The following DNAJC6 variants were observed in gnomAD, a reference collection of about 807,000 sequenced individuals.
The protein encoded by DNAJC6 is DnaJ heat shock protein family (Hsp40) member C6.
In DNAJC6, 34 loss-of-function variants were observed where a neutral mutation model predicts 110.0. The observed-to-expected ratio is 0.31, with a 90% CI of 0.24 to 0.41. The LOEUF (loss-of-function observed/expected upper bound fraction) is 0.41, where lower values mean the gene tolerates loss of function less well. DNAJC6 is among the 10% of genes least tolerant of loss of function. The pLI is 1.00. For synonymous variants in DNAJC6, 406 were observed against 437.2 expected, an observed-to-expected ratio of 0.93 and a Z score of 0.89; for missense variants, 1,031 against 1,207.8, an observed-to-expected ratio of 0.85 and a Z score of 2.17.
chr1:65,348,414 G>C (rs1645457772), intron 1 of DNAJC6, among the ~76,000 whole-genome samples: 3 of 152,170 alleles, frequency 2.0e-5, no homozygotes, highest in Non-Finnish European at 1.5e-5. Context: ...GTGATTGTGG[G>C]TTTGTCCCTT....
In DNAJC6 at chr1:65,363,107, T is replaced by G. The variant is rs118053959; in HGVS notation, c.194-1528T>G. 5.8e-4 allele frequency among the ~76,000 whole-genome samples: 89 copies of G among 152,228 alleles called. 1 individual carries two copies. In the East Asian group the frequency reaches 0.016, roughly 28 times the overall value. ...AGAGCAAGGACGGAAGTGCCACATT[T>G]TAAAACCTTCAGATCTCTCACTGTC... is the stretch of plus-strand genomic sequence containing the variant. On this transcript the variant is annotated intron_variant, in intron 1 of 18. Transcript: ENST00000371069.
intron 1 of DNAJC6, among the ~76,000 whole-genome samples, chr1:65,316,231 A>G (rs931364548): frequency 3.9e-5 from 6 of 152,112 alleles, no homozygotes; most frequent in African/African-American, 1.4e-4. Context: ...CCACTGGTAG[A>G]TCCCCTCCCC....
intron 16 of DNAJC6, among the ~76,000 whole-genome samples, chr1:65,406,371 G>A (rs1570384807): frequency 6.6e-6 from 1 of 152,176 alleles, no homozygotes; most frequent in East Asian, 1.9e-4. Flanking sequence ...GGGCTCACTT[G>A]GCTGTTTATC....
At chr1:65,325,693 GAT>G (rs2101432497) in intron 1 of DNAJC6, among the ~76,000 whole-genome samples, 1 of 152,336 alleles carries the variant, frequency 6.6e-6, no homozygotes, top group Admixed American at 6.5e-5. Context: ...ATAAAATACA[GAT>G]ATGCATAGCT....
chr1:65,329,662 C>T (rs934746554), intron 1 of DNAJC6, among the ~76,000 whole-genome samples: 3 of 151,974 alleles, frequency 2.0e-5, no homozygotes, highest in Non-Finnish European at 2.9e-5. Context: ...CAAAGTTCAC[C>T]TTTTTTGCTC....
chr1:65,307,018 C>CTCTATATATATATATA (rs1465563773), upstream of DNAJC6, among the ~76,000 whole-genome samples: 1 of 70,704 alleles, frequency 1.4e-5, no homozygotes, highest in African/African-American at 5.3e-5. Flanking sequence ...CTCTCTCTCT[C>CTCTATATATATATATA]TATATATATA....
rs1644954780 is a variant in DNAJC6 at position 65,299,197 on chromosome 1, C to T, written c.-131+34265C>T. Among the ~76,000 whole-genome samples, 3 of 152,192 alleles carry T rather than the reference C, an allele frequency of 2.0e-5. No homozygotes were observed. The South Asian group carries it at 6.2e-4, about 31-fold the overall frequency. On this transcript the variant is annotated intron_variant, in intron 1 of 19. Transcript: ENST00000263441. ...TACCCCCACTTATTACCTAAGTTTT[C>T]TTTTAGCACAAATGGAAAATAAGTC...
At chr1:65,292,812 A>G (rs1039887809) in intron 1 of DNAJC6, among the ~76,000 whole-genome samples, 4 of 152,170 alleles carry the variant, frequency 2.6e-5, no homozygotes, top group Non-Finnish European at 5.9e-5. Context: ...TTAAGACAGC[A>G]TACATTCAGG....
intron 1 of DNAJC6, among the ~76,000 whole-genome samples, chr1:65,342,758 T>A (rs1645400826): frequency 6.6e-6 from 1 of 152,210 alleles, no homozygotes; most frequent in Non-Finnish European, 1.5e-5. Context: ...ATTGCTGTTA[T>A]CATCTTGCTG....
At chr1:65,329,479 A>C (rs961134606) in intron 1 of DNAJC6, among the ~76,000 whole-genome samples, 1 of 151,852 alleles carries the variant, frequency 6.6e-6, no homozygotes, top group Non-Finnish European at 1.5e-5. Context: ...ATTTTATTAA[A>C]ATATGTATAG....
Position 65,309,918 on chromosome 1 carries a change from C to T in DNAJC6, c.173C>T (p.Ala58Val). The T allele has an allele frequency of 6.5e-7, 1 of 1,529,198 alleles. No homozygotes were observed. The highest frequency in any genetic ancestry group is 1.2e-5 in the South Asian group (1 of 81,630). 94.7% of individuals were successfully genotyped at this position (1,529,198 alleles called of 1,614,324 possible). The change falls in exon 1 of 19, where the codon GCC (alanine) becomes GTC (valine). Residue 58 changes from alanine (A) to valine (V), a missense_variant. Coordinates refer to ENST00000371069, the MANE Select transcript of DNAJC6 (RefSeq NM_001256864.2). Reference protein sequence around the residue: ...RSPARQPPDRASTMDSSGASS... With the variant: ...RSPARQPPDRVSTMDSSGASS... ...CCCGCCCGACAGCCTCCGGACCGCGCCAGCACCATGGACAGCTCAGGTAGC... is the reference window on the plus strand; with the variant it reads ...CCCGCCCGACAGCCTCCGGACCGCGTCAGCACCATGGACAGCTCAGGTAGC...
chr1:65,327,047 A>G lies in DNAJC6; in HGVS notation c.193+17109A>G, dbSNP rs550174537. On this transcript the variant is annotated intron_variant, in intron 1 of 18. Coordinates refer to ENST00000371069, the MANE Select transcript of DNAJC6 (RefSeq NM_001256864.2). ...AAAGAAGGGTCTATATAACTATAAC[A>G]AAGTATGAGATAGACAGTACAGGTA... Among the ~76,000 whole-genome samples the G allele has an allele frequency of 9.5e-4, 145 of 152,328 alleles. 1 individual carries two copies. The highest frequency in any genetic ancestry group is 9.6e-4 in the East Asian group (5 of 5,188).
intron 1 of DNAJC6, among the ~76,000 whole-genome samples, chr1:65,287,361 G>A (rs1570220250): frequency 6.6e-6 from 1 of 152,314 alleles, no homozygotes; most frequent in East Asian, 1.9e-4. Context: ...TCATCAGTCA[G>A]TAGAGTAATA....
intron 1 of DNAJC6, among the ~76,000 whole-genome samples, chr1:65,352,669 A>G (rs907925366): frequency 6.6e-6 from 1 of 152,192 alleles, no homozygotes; most frequent in Non-Finnish European, 1.5e-5. Flanking sequence ...CTTGTAAACG[A>G]CAAACAATAT....
intron 1 of DNAJC6, among the ~76,000 whole-genome samples, chr1:65,278,347 T>C (rs1653740925): frequency 6.6e-6 from 1 of 152,360 alleles, no homozygotes; most frequent in Admixed American, 6.5e-5. Flanking sequence ...TGTGACATAG[T>C]TCTGAAAGGC....
At chr1:65,290,057 G>T (rs1425945059) in intron 1 of DNAJC6, among the ~76,000 whole-genome samples, 1 of 151,990 alleles carries the variant, frequency 6.6e-6, no homozygotes, top group Non-Finnish European at 1.5e-5. Flanking sequence ...TGATCCACCC[G>T]CCTCGGCCTC....
chr1:65,358,500 A>C (rs1488216348), intron 1 of DNAJC6, among the ~76,000 whole-genome samples: 3 of 152,204 alleles, frequency 2.0e-5, no homozygotes, highest in Non-Finnish European at 4.4e-5. Flanking sequence ...GTGTTACTAC[A>C]TATAAAGAAT....
intron 1 of DNAJC6, among the ~76,000 whole-genome samples, chr1:65,352,695 G>C (rs1050880129): frequency 6.6e-6 from 1 of 152,164 alleles, no homozygotes; most frequent in African/African-American, 2.4e-5. Context: ...CACAACCACT[G>C]CTACTTTTCT....
chr1:65,288,279 T>C (rs1434926208), intron 1 of DNAJC6, among the ~76,000 whole-genome samples: 1 of 152,212 alleles, frequency 6.6e-6, no homozygotes, highest in Non-Finnish European at 1.5e-5. Flanking sequence ...TTTTATTTTC[T>C]AAAATTTGTT....
Sources: allele counts gnomAD v4.1 joint callset (sites outside exome capture counted in the v4.1 genomes callset), GRCh38; gene constraint gnomAD v4.1.1; transcripts MANE v1.5; gene names NCBI Gene and HGNC (gene_info 2026-07-23, HGNC 2026-07-21).